CAB39L: variants seen among roughly 807,000 people sequenced by gnomAD.
The protein encoded by CAB39L is calcium binding protein 39 like, also known as calcium-binding protein 39-like.
In CAB39L, 23 loss-of-function variants were observed where a neutral mutation model predicts 39.1. The observed-to-expected ratio is 0.59, with a 90% CI of 0.42 to 0.83. The LOEUF (loss-of-function observed/expected upper bound fraction) is 0.83. CAB39L is among the 40% of genes least tolerant of loss of function. The probability of loss-of-function intolerance (pLI) is 0.00; values close to 1 mark genes in which losing one functional copy is unlikely to be tolerated. For synonymous variants in CAB39L, 126 were observed against 137.2 expected (o/e 0.92, Z 0.57); for missense variants, 366 against 391.9 (o/e 0.93, Z 0.56).
intron 3 of CAB39L, among the ~76,000 whole-genome samples, chr13:49,390,050 G>A (rs1275537113): frequency 6.6e-6 from 1 of 152,050 alleles, no homozygotes; most frequent in African/African-American, 2.4e-5. Flanking sequence ...TCGAACTCCT[G>A]GCTAATTTTA....
intron 3 of CAB39L, among the ~76,000 whole-genome samples, chr13:49,409,080 T>C (rs17481607): frequency 0.12 from 18,509 of 152,200 alleles, 1,400 homozygotes; most frequent in Middle Eastern, 0.19. Flanking sequence ...TAAGAATTCA[T>C]ATTCCCTAAA....
chr13:49,412,590 T>C (rs903266458), intron 3 of CAB39L, among the ~76,000 whole-genome samples: 2 of 152,172 alleles, frequency 1.3e-5, no homozygotes, highest in Non-Finnish European at 2.9e-5. Context: ...CCCAATGTGT[T>C]TGAGGGCTAA....
At chr13:49,332,185 G>T in intron 9 of CAB39L, 95 bp from the exon 10 acceptor site, 1 of 1,406,322 alleles carries the variant, frequency 7.1e-7, no homozygotes, top group Non-Finnish European at 9.7e-7. Context: ...ATATAAATGT[G>T]AGTAAGAATG....
intron 3 of CAB39L, among the ~76,000 whole-genome samples, chr13:49,427,318 A>G (rs1194066463): frequency 2.0e-5 from 3 of 152,200 alleles, no homozygotes; most frequent in Admixed American, 6.5e-5. Context: ...TTAGATTTAC[A>G]CTGACAGTGT....
intron 3 of CAB39L, among the ~76,000 whole-genome samples, chr13:49,431,377 T>C (rs1267853747): frequency 1.3e-5 from 2 of 152,164 alleles, no homozygotes; most frequent in Non-Finnish European, 2.9e-5. Flanking sequence ...TACCTGTTAA[T>C]AACTACTTTG....
At chr13:49,369,163 A>G (rs542673202) in intron 5 of CAB39L, among the ~76,000 whole-genome samples, 1 of 152,356 alleles carries the variant, frequency 6.6e-6, no homozygotes, top group African/African-American at 2.4e-5. Flanking sequence ...CTAAAACAAT[A>G]AAACAAAACA....
At chr13:49,329,529 T>A (rs1954607000) in intron 10 of CAB39L, among the ~76,000 whole-genome samples, 1 of 61,206 alleles carries the variant, frequency 1.6e-5, no homozygotes, top group Non-Finnish European at 2.9e-5. Flanking sequence ...ACATATCTCT[T>A]CAATTAAAAA....
intron 1 of CAB39L, among the ~76,000 whole-genome samples, chr13:49,442,951 T>C (rs1224385477): frequency 6.6e-6 from 1 of 152,014 alleles, no homozygotes; most frequent in Non-Finnish European, 1.5e-5. Flanking sequence ...CAATAATACA[T>C]CGGCTTTCTT....
intron 3 of CAB39L, among the ~76,000 whole-genome samples, chr13:49,421,083 A>G (rs1314433549): frequency 6.6e-6 from 1 of 152,178 alleles, no homozygotes; most frequent in Non-Finnish European, 1.5e-5. Context: ...GACCCAGGAG[A>G]AAACATGGTA....
chr13:49,403,487 A>T (rs556669957), intron 3 of CAB39L, among the ~76,000 whole-genome samples: 1 of 152,290 alleles, frequency 6.6e-6, no homozygotes, highest in African/African-American at 2.4e-5. Context: ...AACATAATGC[A>T]TAAGGAGAAA....
intron 3 of CAB39L, among the ~76,000 whole-genome samples, chr13:49,413,339 T>C (rs538524889): frequency 6.6e-6 from 1 of 152,144 alleles, no homozygotes; most frequent in Non-Finnish European, 1.5e-5. Context: ...TCATAGACTT[T>C]ATAAATTCTT....
intron 5 of CAB39L, among the ~76,000 whole-genome samples, chr13:49,364,009 G>C (rs1228147767): frequency 6.6e-6 from 1 of 151,854 alleles, no homozygotes; most frequent in Non-Finnish European, 1.5e-5. Context: ...ACAAAACCAA[G>C]CAGGAGTAGC....
At chr13:49,437,981 C>T (rs191043371) in intron 1 of CAB39L, among the ~76,000 whole-genome samples, 64 of 151,542 alleles carry the variant, frequency 4.2e-4, no homozygotes, top group South Asian at 1.5e-3. Context: ...TGTGCCACTA[C>T]GCCCAGTTAA....
rs61960128 is a variant in CAB39L, at chr13:49,416,327, C to T, written c.-32+16991G>A. Among the ~76,000 whole-genome samples, 1,444 of 152,264 alleles carry T rather than the reference C, an allele frequency of 9.5e-3. 13 individuals carry two copies. Among genetic ancestry groups the T allele is most frequent in the Middle Eastern group, 0.027 (8 of 294 alleles). On this transcript the variant is annotated intron_variant, in intron 3 of 10. Coordinates refer to ENST00000409308, the MANE Select transcript of CAB39L (RefSeq NM_001079670.3). Reference sequence around the variant, plus strand: ...TGCCCCTGACCCACAACAAAAAATACGGCTAACACAAAAACCCCAGTAACA... The same window carrying T: ...TGCCCCTGACCCACAACAAAAAATATGGCTAACACAAAAACCCCAGTAACA...
rs142314674 is a variant in CAB39L at position 49,411,859 on chromosome 13, G to A, written c.-32+21459C>T. ...TGGAACACAGGGCATAGAAGGGATC[G>A]AGGTCCTTTGTTTTGGGTTAAATGA... On this transcript the variant is annotated intron_variant, in intron 3 of 10. Coordinates refer to ENST00000409308, the MANE Select transcript of CAB39L (RefSeq NM_001079670.3). 2.7e-3 allele frequency among the ~76,000 whole-genome samples: 405 copies of A among 152,288 alleles called. 1 individual carries two copies. The highest frequency in any genetic ancestry group is 3.8e-3 in the Non-Finnish European group (258 of 68,022).
At chr13:49,377,246 T>C (rs951068717) in intron 4 of CAB39L, 115 bp from the exon 5 acceptor site, 67 of 754,510 alleles carry the variant, frequency 8.9e-5, no homozygotes, top group Non-Finnish European at 1.2e-4. Context: ...TTATTTATAA[T>C]GAATGGCACA....
At chr13:49,388,693 G>A (rs977568715) in intron 3 of CAB39L, among the ~76,000 whole-genome samples, 2 of 152,046 alleles carry the variant, frequency 1.3e-5, no homozygotes, top group African/African-American at 2.4e-5. Flanking sequence ...GTATATTGTT[G>A]GCAGAACATG....
intron 6 of CAB39L, among the ~76,000 whole-genome samples, chr13:49,353,868 C>A (rs1955420577): frequency 6.6e-6 from 1 of 151,972 alleles, no homozygotes; most frequent in African/African-American, 2.4e-5. Context: ...TTCTCCTGTC[C>A]CTACCCCAGT....
chr13:49,373,691 A>G (rs1955984013), intron 5 of CAB39L, among the ~76,000 whole-genome samples: 1 of 152,188 alleles, frequency 6.6e-6, no homozygotes, highest in South Asian at 2.1e-4. Flanking sequence ...TCATTACTAC[A>G]TTCATTCAAA....
Sources: gnomAD v4.1 joint callset for allele counts (sites outside exome capture counted in the v4.1 genomes callset) on GRCh38, gnomAD v4.1.1 for gene constraint, MANE v1.5 for transcripts, NCBI Gene and HGNC (gene_info 2026-07-23, HGNC 2026-07-21) for gene names.